CRNKL1: variants seen among roughly 807,000 people sequenced by gnomAD.
CRNKL1 encodes the protein crooked neck pre-mRNA splicing factor 1, also known as crooked neck-like protein 1.
CRNKL1 carries 35 observed loss-of-function variants against 103.7 expected under a neutral mutation model. That is an observed-to-expected ratio of 0.34 (90% CI 0.26 to 0.45). The LOEUF (loss-of-function observed/expected upper bound fraction) is 0.45. Among genes scored for constraint, CRNKL1 ranks in the 20% least tolerant of loss-of-function variants. The pLI is 1.00. For synonymous variants in CRNKL1, 267 were observed against 282.6 expected (o/e 0.94, Z 0.55); for missense variants, 645 against 836.0 (o/e 0.77, Z 2.82).
At chr20:20,052,188 C>T (rs2043769675) in intron 1 of CRNKL1, 104 bp downstream of exon 1, 2 of 987,884 alleles carry the variant, frequency 2.0e-6, no homozygotes, top group Admixed American at 2.7e-5. Context: ...TCAGGGTGAG[C>T]CTTCTCCCCG....
intron 11 of CRNKL1, among the ~76,000 whole-genome samples, chr20:20,039,343 C>T (rs1191050991): frequency 8.5e-5 from 13 of 152,184 alleles, no homozygotes; most frequent in Admixed American, 8.5e-4. Context: ...GGCTTTCCTG[C>T]TGCAGAAGGG....
At chr20:20,050,768 G>C in intron 1 of CRNKL1, 146 bp from the exon 2 acceptor site, 1 of 600,190 alleles carries the variant, frequency 1.7e-6, no homozygotes. Flanking sequence ...TCCTCCATGA[G>C]ACTGAAAAGA....
chr20:20,038,509 C>T (rs991066233), intron 11 of CRNKL1, 59 bp from the exon 12 acceptor site: 2 of 922,474 alleles, frequency 2.2e-6, no homozygotes, highest in Non-Finnish European at 3.4e-6. Context: ...TGCCCCCATC[C>T]AAAGCACAGC....
chr20:20,054,013 G>GTTTTTTTTT (rs1239349657), upstream of CRNKL1, among the ~76,000 whole-genome samples: 4 of 59,084 alleles, frequency 6.8e-5, no homozygotes, highest in African/African-American at 1.2e-4. Context: ...TTTTTTGTTT[G>GTTTTTTTTT]TTTTTTTTTT....
intron 12 of CRNKL1, among the ~76,000 whole-genome samples, chr20:20,037,779 T>A: frequency 6.6e-6 from 1 of 152,212 alleles, no homozygotes; most frequent in Admixed American, 6.5e-5. Flanking sequence ...TCTGACATAG[T>A]CTTAAACTCT....
In CRNKL1 at chr20:20,045,344, A is replaced by G; in HGVS notation, c.765T>C (p.Tyr255=). The change falls in exon 6 of 14, where the codon TAT becomes TAC. Residue 255 remains tyrosine (Y), a synonymous_variant. Transcript: ENST00000536226. ...TTTCTTCAAACTTGGCAAAGGCAAC[A>G]TAAAGGTGCTCATCCATATGTTCAT... ...FGDEHMDEHL[Y]VAFAKFEENQ... is the part of the protein sequence containing the mutation. The G allele has an allele frequency of 1.2e-6, 2 of 1,613,450 alleles. No homozygotes were observed. The highest frequency in any genetic ancestry group is 1.7e-5 in the Admixed American group (1 of 59,946).
rs756247332 is a variant in CRNKL1 at position 20,052,443 on chromosome 20, G to GAAC, written c.-102_-101insGTT. On this transcript the variant is annotated 5_prime_UTR_variant, in exon 1 of 14. In the 5' UTR this introduces an upstream ATG that the reference lacks. Coordinates refer to ENST00000536226, the MANE Select transcript of CRNKL1 (RefSeq NM_001278628.2). ...CACAAAGCTTTCAGAAAACAAACAG[G>GAAC]ATCTCGGAACCGGAAGCGGAACTTG... 6.2e-7 allele frequency: 1 copy of GAAC among 1,614,116 alleles called. No individual in the cohort carries two copies. The highest frequency in any genetic ancestry group is 1.3e-5 in the African/African-American group (1 of 74,940).
chr20:20,043,795 T>C (rs1367691294), intron 6 of CRNKL1, 133 bp from the exon 7 acceptor site: 35 of 770,468 alleles, frequency 4.5e-5, no homozygotes, highest in Non-Finnish European at 6.7e-5. Context: ...GTAAGATGCT[T>C]TTCTCCCTCT....
At position 20,048,282 on chromosome 20, in the gene CRNKL1, T is replaced by A. The variant is rs183990575; in HGVS notation, c.455+61A>T. The A allele has an allele frequency of 8.2e-4, 1,282 of 1,555,820 alleles. 13 individuals are homozygous for A. The African/African-American group carries it at 0.016, about 19-fold the overall frequency. ...ACTATCATCATGTAAATAAAATAAA[T>A]ACAGAAGATGTGGAACTTTGCTAGT... On this transcript the variant is annotated intron_variant, in intron 4 of 13. Coordinates refer to ENST00000536226, the MANE Select transcript of CRNKL1 (RefSeq NM_001278628.2).
In CRNKL1 at chr20:20,049,439, A is replaced by G; in HGVS notation, c.205-8T>C. ...TATATTATCTTCAAAAGTCTGGAAGAAGGCAAAAAGGGTCAAGTCAAAAGA... is the reference window on the plus strand; with the variant it reads ...TATATTATCTTCAAAAGTCTGGAAGGAGGCAAAAAGGGTCAAGTCAAAAGA... On this transcript the variant is annotated splice_polypyrimidine_tract_variant and splice_region_variant and intron_variant, in intron 2 of 13. Transcript: ENST00000536226. 6.8e-7 allele frequency: 1 copy of G among 1,465,340 alleles called. No individual in the cohort carries two copies. The highest frequency in any genetic ancestry group is 9.5e-7 in the Non-Finnish European group (1 of 1,054,964). The allele number at this position is 1,465,340 out of a possible 1,614,324, so 90.8% of individuals were successfully genotyped here.
Position 20,037,340 on chromosome 20 carries a change from CCTTT to C in CRNKL1, c.1875_1878del (p.Lys626SerfsTer76), listed in dbSNP as rs1305159004. ...GTTCTTACCCCATCATCAGTCTGGA[CCTTT>C]CTTCTCTTCTTGACTTTCTCTGGCA... On this transcript the variant is annotated frameshift_variant, in exon 13 of 14. Transcript: ENST00000536226. LOFTEE classifies it high-confidence loss of function. The C allele has an allele frequency of 6.2e-7, 1 of 1,613,998 alleles. No individual in the cohort carries two copies. Among genetic ancestry groups the C allele is most frequent in the Admixed American group, 1.7e-5 (1 of 60,014 alleles).
At chr20:20,054,396 G>GATATAT (rs34409266), upstream of CRNKL1, among the ~76,000 whole-genome samples, 1 of 140,256 alleles carries the variant, frequency 7.1e-6, no homozygotes, top group African/African-American at 2.7e-5. Context: ...ATGAGCTAGG[G>GATATAT]ATATATATAT....
In CRNKL1 at chr20:20,047,803, T is replaced by A. The variant is rs2043617431; in HGVS notation, c.584A>T (p.Tyr195Phe). The A allele has an allele frequency of 6.2e-7, 1 of 1,614,142 alleles. No individual in the cohort carries two copies. Among genetic ancestry groups the A allele is most frequent in the South Asian group, 1.1e-5 (1 of 91,090 alleles). ...GGTGCGGGCCCGATCCACCTCTTTG[T>A]ATCTCAGCTCAAAGTTGATGTAGGA... ...WHSYINFELRYKEVDRARTIY... is the reference protein window; with the variant it reads ...WHSYINFELRFKEVDRARTIY... The change falls in exon 5 of 14, where the codon TAC (tyrosine) becomes TTC (phenylalanine). Residue 195 changes from tyrosine (Y) to phenylalanine (F), a missense_variant. Coordinates refer to ENST00000536226, the MANE Select transcript of CRNKL1 (RefSeq NM_001278628.2).
intron 13 of CRNKL1, among the ~76,000 whole-genome samples, chr20:20,037,096 C>A (rs1050842341): frequency 5.3e-5 from 8 of 152,192 alleles, no homozygotes; most frequent in African/African-American, 1.9e-4. Context: ...CCAGACTCAA[C>A]CATCACCAAA....
chr20:20,051,963 T>C (rs571432095), intron 1 of CRNKL1, among the ~76,000 whole-genome samples: 141 of 152,326 alleles, frequency 9.3e-4, no homozygotes, highest in African/African-American at 3.2e-3. Flanking sequence ...GTCGTCTTTA[T>C]ACAGAAACTC....
upstream of CRNKL1, among the ~76,000 whole-genome samples, chr20:20,055,377 A>G (rs2044229692): frequency 6.6e-6 from 1 of 152,214 alleles, no homozygotes; most frequent in Non-Finnish European, 1.5e-5. Context: ...AGCTTTGTGT[A>G]GAGAAAGCTT....
intron 11 of CRNKL1, 56 bp downstream of exon 11, chr20:20,039,553 A>G (rs750719099): frequency 4.3e-5 from 68 of 1,597,888 alleles, no homozygotes; most frequent in Admixed American, 6.8e-5. Flanking sequence ...ATGGTCATCT[A>G]AAGTAAGACT....
chr20:20,037,791 G>GA (rs1286348405), intron 12 of CRNKL1, among the ~76,000 whole-genome samples: 2 of 152,222 alleles, frequency 1.3e-5, no homozygotes, highest in East Asian at 3.9e-4. Context: ...TTAAACTCTT[G>GA]AAAAGAGTTT....
At position 20,052,297 on chromosome 20, in the gene CRNKL1, C is replaced by T; in HGVS notation, c.46G>A (p.Ala16Thr). ...AAGKQRIPKVAKVKNKAPAEV... is the reference protein window; with the variant it reads ...AAGKQRIPKVTKVKNKAPAEV... ...GGCCCCTCGCGATCGCCTACCTTGG[C>T]CACTTTGGGAATCCGCTGCTTCCCG... Residue 16 changes from alanine to threonine, a missense_variant, in exon 1 of 14, where the codon GCC becomes ACC. Physicochemically the swap from Ala to Thr is moderately conservative, Grantham distance 58 (BLOSUM62 0). Coordinates refer to ENST00000536226, the MANE Select transcript of CRNKL1 (RefSeq NM_001278628.2). 6.2e-7 allele frequency: 1 copy of T among 1,609,790 alleles called. No homozygotes were observed. Among genetic ancestry groups the T allele is most frequent in the Non-Finnish European group, 8.5e-7 (1 of 1,179,098 alleles).
Sources: gnomAD v4.1 joint callset for allele counts (sites outside exome capture counted in the v4.1 genomes callset) on GRCh38, gnomAD v4.1.1 for gene constraint, MANE v1.5 for transcripts, NCBI Gene and HGNC (gene_info 2026-07-23, HGNC 2026-07-21) for gene names.